MACROD2: variants seen among roughly 807,000 people sequenced by gnomAD.
The protein encoded by MACROD2 is mono-ADP ribosylhydrolase 2.
MACROD2 carries 36 observed loss-of-function variants against 70.4 expected under a neutral mutation model. The observed-to-expected ratio is 0.51, with a 90% confidence interval of 0.39 to 0.68. The LOEUF (loss-of-function observed/expected upper bound fraction) is 0.68. Ranked by LOEUF, MACROD2 falls within the 30% of genes least tolerant of loss-of-function variation. The pLI, the probability that MACROD2 is intolerant of heterozygous loss-of-function variation, is 0.00. For synonymous variants in MACROD2, 172 were observed against 178.8 expected (o/e 0.96, Z 0.30); for missense variants, 496 against 538.4 (o/e 0.92, Z 0.78).
intron 3 of MACROD2, among the ~76,000 whole-genome samples, chr20:14,463,461 T>C (rs921879735): frequency 6.6e-6 from 1 of 152,074 alleles, no homozygotes; most frequent in Non-Finnish European, 1.5e-5. Flanking sequence ...TTTCTAAATA[T>C]ACAATCATGT....
intron 8 of MACROD2, among the ~76,000 whole-genome samples, chr20:15,519,885 A>G (rs2047628191): frequency 6.6e-6 from 1 of 152,188 alleles, no homozygotes; most frequent in Non-Finnish European, 1.5e-5. Context: ...GCTCTCCCCA[A>G]CAGTTCCATA....
At chr20:15,434,984 G>A (rs2046409814) in intron 7 of MACROD2, among the ~76,000 whole-genome samples, 1 of 152,072 alleles carries the variant, frequency 6.6e-6, no homozygotes, top group Non-Finnish European at 1.5e-5. Context: ...GGATGCAAAG[G>A]CATAAGAATG....
intron 5 of MACROD2, among the ~76,000 whole-genome samples, chr20:14,875,900 G>T (rs1414337124): frequency 1.3e-5 from 2 of 152,112 alleles, no homozygotes; most frequent in Admixed American, 6.6e-5. Flanking sequence ...TGGCCACGTA[G>T]ATGGATTCCA....
intron 8 of MACROD2, among the ~76,000 whole-genome samples, chr20:15,821,995 C>A (rs1413083248): frequency 6.6e-6 from 1 of 152,094 alleles, no homozygotes; most frequent in Non-Finnish European, 1.5e-5. Flanking sequence ...CAATCTAGAG[C>A]CCTGGAAAGT....
intron 6 of MACROD2, among the ~76,000 whole-genome samples, chr20:15,346,320 A>T (rs184225722): frequency 1.3e-5 from 2 of 152,318 alleles, no homozygotes; most frequent in African/African-American, 4.8e-5. Context: ...GAAGGAGGCA[A>T]GACCCTCATC....
intron 13 of MACROD2, among the ~76,000 whole-genome samples, chr20:15,977,512 G>C (rs886788817): frequency 6.6e-6 from 1 of 152,188 alleles, no homozygotes; most frequent in African/African-American, 2.4e-5. Context: ...ACTTTACCTT[G>C]TTGTTAAAGG....
chr20:15,215,642 A>G (rs556010556), intron 5 of MACROD2, among the ~76,000 whole-genome samples: 7 of 152,186 alleles, frequency 4.6e-5, no homozygotes, highest in Admixed American at 6.5e-5. Flanking sequence ...ATTAAAATCC[A>G]CTAAGGGCTT....
intron 10 of MACROD2, among the ~76,000 whole-genome samples, chr20:15,895,161 G>A (rs752553418): frequency 7.9e-5 from 12 of 152,298 alleles, no homozygotes; most frequent in East Asian, 1.9e-4. Flanking sequence ...ATTCTTCCAA[G>A]TTACTCCTTC....
intron 5 of MACROD2, among the ~76,000 whole-genome samples, chr20:14,728,118 T>A (rs919493118): frequency 2.6e-5 from 4 of 152,194 alleles, no homozygotes; most frequent in African/African-American, 9.7e-5. Flanking sequence ...GTACTAGATT[T>A]TATATGTCTG....
intron 8 of MACROD2, among the ~76,000 whole-genome samples, chr20:15,521,079 G>A (rs1478100255): frequency 1.3e-5 from 2 of 152,170 alleles, no homozygotes; most frequent in Non-Finnish European, 2.9e-5. Context: ...TTGTGGATAG[G>A]CCTGTAGGTT....
intron 1 of MACROD2, among the ~76,000 whole-genome samples, chr20:13,996,077 G>C (rs113245764): frequency 0.043 from 6,578 of 152,266 alleles, 210 homozygotes; most frequent in Non-Finnish European, 0.063. Context: ...ACCTTCTCCC[G>C]AGGCGGTGCT....
At chr20:15,748,141 T>G (rs921726621) in intron 8 of MACROD2, among the ~76,000 whole-genome samples, 3 of 152,190 alleles carry the variant, frequency 2.0e-5, no homozygotes, top group African/African-American at 7.2e-5. Context: ...TGCTTATATA[T>G]GACTGCTTCT....
At position 15,663,280 on chromosome 20, in the gene MACROD2, C is replaced by T. The variant is rs141137284; in HGVS notation, c.645+163433C>T. Among the ~76,000 whole-genome samples, 103 of 148,074 alleles carry T rather than the reference C, an allele frequency of 7.0e-4. 2 individuals are homozygous for T. In the Middle Eastern group the frequency reaches 0.021, roughly 30 times the overall value. On this transcript the variant is annotated intron_variant, in intron 8 of 17. Coordinates refer to ENST00000684519, the MANE Select transcript of MACROD2 (RefSeq NM_001351661.2). ...AGACAGAGTCTTGCTCTGTCACCCG[C>T]GCTGTACTGCAGTGGTGTGATCTCA...
At chr20:15,264,761 C>T (rs2077278261) in intron 6 of MACROD2, among the ~76,000 whole-genome samples, 1 of 152,084 alleles carries the variant, frequency 6.6e-6, no homozygotes, top group Middle Eastern at 3.2e-3. Flanking sequence ...AGGGGATTAA[C>T]AACAATCTCA....
intron 8 of MACROD2, among the ~76,000 whole-genome samples, chr20:15,584,966 G>A (rs927434638): frequency 6.6e-6 from 1 of 152,188 alleles, no homozygotes; most frequent in Non-Finnish European, 1.5e-5. Flanking sequence ...AGACGGGCTG[G>A]TTGGCACCAG....
At chr20:15,325,551 T>C (rs2077919667) in intron 6 of MACROD2, among the ~76,000 whole-genome samples, 1 of 152,138 alleles carries the variant, frequency 6.6e-6, no homozygotes, top group Non-Finnish European at 1.5e-5. Context: ...CTTGGTAACC[T>C]CCATGGTGAA....
chr20:14,003,047 T>C (rs538764530), intron 2 of MACROD2, among the ~76,000 whole-genome samples: 1 of 152,344 alleles, frequency 6.6e-6, no homozygotes, highest in African/African-American at 2.4e-5. Context: ...TATGCTTGTC[T>C]TTGAATTAAC....
At chr20:15,163,565 A>G (rs1049747203) in intron 5 of MACROD2, among the ~76,000 whole-genome samples, 4 of 152,108 alleles carry the variant, frequency 2.6e-5, no homozygotes, top group African/African-American at 9.7e-5. Context: ...TTAGAAATTA[A>G]TATTTTCTGG....
chr20:15,824,124 C>T (rs924606497), intron 8 of MACROD2, among the ~76,000 whole-genome samples: 6 of 152,284 alleles, frequency 3.9e-5, no homozygotes, highest in South Asian at 2.1e-4. Context: ...CTTGAATTGA[C>T]TGTACAGCTT....
Sources: allele counts gnomAD v4.1 joint callset (sites outside exome capture counted in the v4.1 genomes callset), GRCh38; gene constraint gnomAD v4.1.1; transcripts MANE v1.5; gene names NCBI Gene and HGNC (gene_info 2026-07-23, HGNC 2026-07-21).